The following MDGA2 variants were observed in gnomAD, a reference collection of about 807,000 sequenced individuals.
MDGA2 encodes the protein MAM domain containing glycosylphosphatidylinositol anchor 2, also known as MAM domain-containing glycosylphosphatidylinositol anchor protein 2.
A neutral mutation model predicts 117.8 loss-of-function variants in MDGA2; 40 were observed. The observed-to-expected ratio is 0.34, with a 90% CI of 0.26 to 0.44. MDGA2 has a LOEUF of 0.44. MDGA2 is among the 20% of genes least tolerant of loss of function. The pLI, the probability that MDGA2 is intolerant of heterozygous loss-of-function variation, is 1.00. For missense variants in MDGA2, 1,123 were observed against 1,250.6 expected, an observed-to-expected ratio of 0.90 and a Z score of 1.54; for synonymous variants, 452 against 439.0, an observed-to-expected ratio of 1.03 and a Z score of -0.37.
At chr14:47,016,240 T>C (rs899044431) in intron 8 of MDGA2, among the ~76,000 whole-genome samples, 2 of 152,112 alleles carry the variant, frequency 1.3e-5, no homozygotes, top group African/African-American at 4.8e-5. Flanking sequence ...AAATGGTGAG[T>C]AGGTATGCAT....
chr14:47,174,091 G>A (rs1279255727), intron 3 of MDGA2, among the ~76,000 whole-genome samples: 1 of 152,186 alleles, frequency 6.6e-6, no homozygotes. Context: ...TCAACAAGAA[G>A]AGGTAACTAT....
At chr14:47,024,948 A>G (rs1216174039) in intron 8 of MDGA2, among the ~76,000 whole-genome samples, 1 of 152,198 alleles carries the variant, frequency 6.6e-6, no homozygotes, top group African/African-American at 2.4e-5. Context: ...AGCATGAAAT[A>G]CAGCTACTCC....
chr14:47,563,578 GTTTTTTTTTTTTTTTTTTT>G lies in MDGA2; in HGVS notation c.280+110920_280+110938del, dbSNP rs56244321. On this transcript the variant is annotated intron_variant, in intron 1 of 16. Coordinates refer to ENST00000399232, the MANE Select transcript of MDGA2 (RefSeq NM_001113498.3). ...AGAATAGCAACCCCTGCTTTTTTCT[GTTTTTTTTTTTTTTTTTTT>G]TTTTTTTTTTTTGCTTGGTAGATTT... Among the ~76,000 whole-genome samples, 20 of 56,944 alleles carry G rather than the reference GTTTTTTTTTTTTTTTTTTT, an allele frequency of 3.5e-4. 1 individual carries two copies. The highest frequency in any genetic ancestry group is 1.2e-3 in the Admixed American group (7 of 5,710). 37.4% of individuals were successfully genotyped at this position (56,944 alleles called of 152,430 possible). A position where few individuals can be genotyped will look rare whatever the true frequency, so the allele number is the denominator to read the frequency against.
At chr14:47,284,160 A>C (rs1411380616) in intron 2 of MDGA2, among the ~76,000 whole-genome samples, 1 of 152,206 alleles carries the variant, frequency 6.6e-6, no homozygotes, top group Non-Finnish European at 1.5e-5. Flanking sequence ...ATATAAGAAG[A>C]AGCACCCATC....
At chr14:47,113,576 G>A (rs1881162323) in intron 5 of MDGA2, among the ~76,000 whole-genome samples, 1 of 151,954 alleles carries the variant, frequency 6.6e-6, no homozygotes, top group African/African-American at 2.4e-5. Context: ...GATCAAGTCA[G>A]CTTCAACTTG....
chr14:47,570,206 C>A (rs1264119451), intron 1 of MDGA2, among the ~76,000 whole-genome samples: 1 of 151,388 alleles, frequency 6.6e-6, no homozygotes, highest in East Asian at 1.9e-4. Context: ...AGAAAGAATG[C>A]TTTTCTACTT....
chr14:46,862,675 T>C (rs1462156966), intron 14 of MDGA2, among the ~76,000 whole-genome samples: 1 of 151,964 alleles, frequency 6.6e-6, no homozygotes, highest in Non-Finnish European at 1.5e-5. Context: ...ACAAATCGCA[T>C]TGTTATAATC....
intron 1 of MDGA2, among the ~76,000 whole-genome samples, chr14:47,658,635 G>T (rs1481424032): frequency 2.0e-5 from 3 of 152,008 alleles, no homozygotes; most frequent in Non-Finnish European, 2.9e-5. Flanking sequence ...TCTAAGATGG[G>T]GTGTAACATT....
At chr14:47,655,699 G>T (rs1897730028) in intron 1 of MDGA2, among the ~76,000 whole-genome samples, 3 of 152,108 alleles carry the variant, frequency 2.0e-5, no homozygotes, top group African/African-American at 7.2e-5. Context: ...CCATCAATAA[G>T]AAGGTAGCAC....
intron 5 of MDGA2, among the ~76,000 whole-genome samples, chr14:47,109,197 A>G (rs1253893474): frequency 6.6e-6 from 1 of 152,232 alleles, no homozygotes; most frequent in Non-Finnish European, 1.5e-5. Context: ...CAGAATTTTA[A>G]GCACAGTACT....
At chr14:47,646,073 C>T (rs1897526784) in intron 1 of MDGA2, among the ~76,000 whole-genome samples, 1 of 105,424 alleles carries the variant, frequency 9.5e-6, no homozygotes, top group Admixed American at 1.0e-4. Flanking sequence ...GAGCAAGACT[C>T]CGTCTCAAAA....
At chr14:46,940,090 T>TC (rs1047066523) in intron 9 of MDGA2, among the ~76,000 whole-genome samples, 2 of 152,190 alleles carry the variant, frequency 1.3e-5, no homozygotes, top group Admixed American at 6.5e-5. Context: ...CAAAAGGGTC[T>TC]CCACTTTGCC....
chr14:46,988,349 GC>G lies in MDGA2; in HGVS notation c.1820-30707del, dbSNP rs1414895006. On this transcript the variant is annotated intron_variant, in intron 8 of 16. Coordinates refer to ENST00000399232, the MANE Select transcript of MDGA2 (RefSeq NM_001113498.3). ...TGATGGAAAAAATCAAATAAGAGTA[GC>G]ATAATTTTGATTCGACAACTGAGAC... is the stretch of plus-strand genomic sequence containing the variant. 2.0e-4 allele frequency among the ~76,000 whole-genome samples: 30 copies of G among 152,148 alleles called. 1 individual carries two copies. The highest frequency in any genetic ancestry group is 1.2e-3 in the Admixed American group (18 of 15,250).
intron 1 of MDGA2, among the ~76,000 whole-genome samples, chr14:47,534,607 C>A (rs1432931076): frequency 6.6e-6 from 1 of 152,054 alleles, no homozygotes; most frequent in African/African-American, 2.4e-5. Flanking sequence ...TGGAAGAAAC[C>A]ACCCTCATGC....
intron 1 of MDGA2, among the ~76,000 whole-genome samples, chr14:47,421,341 T>C (rs1414784698): frequency 6.6e-6 from 1 of 152,074 alleles, no homozygotes; most frequent in African/African-American, 2.4e-5. Flanking sequence ...AAATTGCAAA[T>C]TGTGGGGAAG....
At chr14:47,513,775 C>T (rs1894693392) in intron 1 of MDGA2, among the ~76,000 whole-genome samples, 1 of 152,042 alleles carries the variant, frequency 6.6e-6, no homozygotes, top group South Asian at 2.1e-4. Context: ...AATTAATTGA[C>T]CTCTGTTTCT....
chr14:47,361,207 C>CTCTCTATA (rs61280975), intron 1 of MDGA2, among the ~76,000 whole-genome samples: 3,705 of 140,358 alleles, frequency 0.026, 72 homozygotes, highest in Non-Finnish European at 0.033. Context: ...CTCTCTCTCT[C>CTCTCTATA]TATATATATA....
chr14:47,467,750 T>C (rs1391067396), intron 1 of MDGA2, among the ~76,000 whole-genome samples: 2 of 152,054 alleles, frequency 1.3e-5, no homozygotes, highest in Non-Finnish European at 2.9e-5. Flanking sequence ...AATAAGTATG[T>C]GTGTGTGTGT....
intron 1 of MDGA2, among the ~76,000 whole-genome samples, chr14:47,419,545 G>C (rs1892537565): frequency 6.6e-6 from 1 of 151,934 alleles, no homozygotes; most frequent in Admixed American, 6.6e-5. Flanking sequence ...ATTATGTTTA[G>C]TACTCTTGTA....
Sources: gnomAD v4.1 joint callset for allele counts (sites outside exome capture counted in the v4.1 genomes callset) on GRCh38, gnomAD v4.1.1 for gene constraint, MANE v1.5 for transcripts, NCBI Gene and HGNC (gene_info 2026-07-23, HGNC 2026-07-21) for gene names.